Variants in GALNT13 observed in about 807,000 individuals in gnomAD.
The protein encoded by GALNT13 is polypeptide N-acetylgalactosaminyltransferase 13, also known as UDP-GalNAc:polypeptide N-acetylgalactosaminyltransferase 13.
A neutral mutation model predicts 64.2 loss-of-function variants in GALNT13; 28 were observed. The observed-to-expected ratio is 0.44, with a 90% CI of 0.32 to 0.60. The LOEUF (loss-of-function observed/expected upper bound fraction) is 0.60. GALNT13 is among the 20% of genes least tolerant of loss of function. The probability of loss-of-function intolerance (pLI) is 0.05; values close to 1 mark genes in which losing one functional copy is unlikely to be tolerated. For missense variants in GALNT13, 577 were observed against 669.8 expected (o/e 0.86, Z 1.53); for synonymous variants, 214 against 224.6 (o/e 0.95, Z 0.42).
chr2:153,286,694 TATA>T, the GALNT13 span, among the ~76,000 whole-genome samples: 1 of 152,198 alleles, frequency 6.6e-6, no homozygotes, highest in African/African-American at 2.4e-5. Flanking sequence ...AAAATCGTGT[TATA>T]ATGATTGGGT....
At chr2:153,687,056 G>A in the GALNT13 span, among the ~76,000 whole-genome samples, 1 of 151,972 alleles carries the variant, frequency 6.6e-6, no homozygotes. Context: ...ATTTTGCACA[G>A]GATTTTTTAC....
At chr2:153,872,665 A>G (rs1333189185) in intron 1 of GALNT13, among the ~76,000 whole-genome samples, 1 of 137,736 alleles carries the variant, frequency 7.3e-6, no homozygotes, top group Non-Finnish European at 1.5e-5. Context: ...CGTTCTGGTG[A>G]CGTTCCTCCG....
chr2:153,216,383 A>T, the GALNT13 span, among the ~76,000 whole-genome samples: 1 of 152,062 alleles, frequency 6.6e-6, no homozygotes, highest in Non-Finnish European at 1.5e-5. Flanking sequence ...AAGCCACCAA[A>T]CAGTCTCCCA....
chr2:153,713,484 A>G, the GALNT13 span, among the ~76,000 whole-genome samples: 3 of 152,184 alleles, frequency 2.0e-5, no homozygotes, highest in African/African-American at 7.2e-5. Context: ...TGCCATAAGG[A>G]GACCATGTCT....
At chr2:153,539,915 A>G in the GALNT13 span, among the ~76,000 whole-genome samples, 3 of 152,342 alleles carry the variant, frequency 2.0e-5, no homozygotes, top group South Asian at 6.2e-4. Context: ...ACCGAGCATA[A>G]AAGTTTGGAA....
At chr2:153,725,108 A>G in the GALNT13 span, among the ~76,000 whole-genome samples, 14 of 148,612 alleles carry the variant, frequency 9.4e-5, no homozygotes, top group African/African-American at 3.3e-4. Flanking sequence ...CATATACACC[A>G]TGGAATACTA....
At chr2:153,805,207 A>T in the GALNT13 span, among the ~76,000 whole-genome samples, 13 of 151,986 alleles carry the variant, frequency 8.6e-5, no homozygotes, top group Non-Finnish European at 1.9e-4. Flanking sequence ...CATTTAGATA[A>T]TATGAATCTC....
At chr2:153,868,749 A>G (rs1021773419), upstream of GALNT13, among the ~76,000 whole-genome samples, 6 of 152,172 alleles carry the variant, frequency 3.9e-5, no homozygotes, top group African/African-American at 1.4e-4. Context: ...GCCAATAGAC[A>G]TTCTTGGCCT....
At chr2:153,398,388 T>G in the GALNT13 span, among the ~76,000 whole-genome samples, 1 of 152,132 alleles carries the variant, frequency 6.6e-6, no homozygotes, top group Non-Finnish European at 1.5e-5. Flanking sequence ...AACATACGTG[T>G]GCATGTGTCT....
chr2:154,252,689 T>C (rs1248651135), intron 7 of GALNT13, among the ~76,000 whole-genome samples: 1 of 151,622 alleles, frequency 6.6e-6, no homozygotes, highest in South Asian at 2.1e-4. Flanking sequence ...CTACCCCAAA[T>C]CTTTTGCTGT....
the GALNT13 span, among the ~76,000 whole-genome samples, chr2:153,446,198 C>A: frequency 6.6e-6 from 1 of 151,988 alleles, no homozygotes; most frequent in African/African-American, 2.4e-5. Flanking sequence ...AGAAATAAAC[C>A]AGGTTGGAGA....
chr2:153,550,037 G>T, the GALNT13 span, among the ~76,000 whole-genome samples: 6 of 152,094 alleles, frequency 3.9e-5, no homozygotes, highest in East Asian at 1.9e-4. Context: ...ACCTGATCTT[G>T]TGCCAAAGAG....
the GALNT13 span, among the ~76,000 whole-genome samples, chr2:153,184,936 G>A: frequency 5.9e-5 from 9 of 152,146 alleles, no homozygotes; most frequent in African/African-American, 9.6e-5. Context: ...TTTTTGTTGC[G>A]TATCTGCCAG....
chr2:153,450,885 T>C, the GALNT13 span, among the ~76,000 whole-genome samples: 21 of 152,222 alleles, frequency 1.4e-4, no homozygotes, highest in East Asian at 1.2e-3. Flanking sequence ...TTCCATAGCA[T>C]GTTTCAAAAG....
the GALNT13 span, among the ~76,000 whole-genome samples, chr2:153,218,353 G>A: frequency 3.3e-5 from 5 of 152,174 alleles, no homozygotes; most frequent in African/African-American, 1.2e-4. Context: ...AATCCTTAGT[G>A]TTTCTGATCC....
At chr2:154,442,174 G>A (rs558935962) in intron 12 of GALNT13, among the ~76,000 whole-genome samples, 2 of 152,008 alleles carry the variant, frequency 1.3e-5, no homozygotes, top group East Asian at 3.9e-4. Context: ...TAGGGGGAAA[G>A]GTGTTCTACA....
At chr2:154,144,040 T>G (rs567386211) in intron 4 of GALNT13, among the ~76,000 whole-genome samples, 1 of 152,282 alleles carries the variant, frequency 6.6e-6, no homozygotes, top group African/African-American at 2.4e-5. Context: ...AAATCCTGTA[T>G]ATACTGTGGT....
intron 4 of GALNT13, among the ~76,000 whole-genome samples, chr2:154,187,717 A>G (rs556764702): frequency 6.6e-6 from 1 of 152,258 alleles, no homozygotes; most frequent in South Asian, 2.1e-4. Context: ...GAGAGCACAG[A>G]AAATAAAAAC....
chr2:153,428,101 G>A, the GALNT13 span, among the ~76,000 whole-genome samples: 37 of 152,252 alleles, frequency 2.4e-4, no homozygotes, highest in South Asian at 7.5e-3. Flanking sequence ...TCCAAACAGG[G>A]CCCAACTGAA....
Sources: allele counts gnomAD v4.1 joint callset (sites outside exome capture counted in the v4.1 genomes callset), GRCh38; gene constraint gnomAD v4.1.1; transcripts MANE v1.5; gene names NCBI Gene and HGNC (gene_info 2026-07-23, HGNC 2026-07-21).